The following GEN1 variants were observed in gnomAD, a reference collection of about 807,000 sequenced individuals.
The protein encoded by GEN1 is flap endonuclease GEN homolog 1.
In GEN1, 64 loss-of-function variants were observed where a neutral mutation model predicts 67.6. That is an observed-to-expected ratio of 0.95 (90% CI 0.77 to 1.17). The LOEUF (loss-of-function observed/expected upper bound fraction) is 1.17, where lower values mean the gene tolerates loss of function less well. Ranked by LOEUF, GEN1 falls within the 50% of genes most tolerant of loss-of-function variation. GEN1 has a pLI of 0.00. For synonymous variants in GEN1, 371 were observed against 359.4 expected, an observed-to-expected ratio of 1.03 and a Z score of -0.37; for missense variants, 1,058 against 1,048.3, an observed-to-expected ratio of 1.01 and a Z score of -0.13.
chr2:17,780,701 T>A lies in GEN1; in HGVS notation c.1489T>A (p.Cys497Ser). Reference protein sequence around the residue: ...FQSHMTLKPTCEIFHKQNSKL... With the variant: ...FQSHMTLKPTSEIFHKQNSKL... The stretch of plus-strand genomic sequence containing the variant: ...GTCACACATGACTTTAAAACCCACA[T>A]GTGAAATCTTTCATAAGCAGAATTC... Residue 497 changes from cysteine (C) to serine (S), a missense_variant, in exon 14 of 14, where the codon TGT becomes AGT. Physicochemically the swap from Cys to Ser is moderately radical, Grantham distance 112. Coordinates refer to ENST00000381254, the MANE Select transcript of GEN1 (RefSeq NM_001130009.3). The A allele has an allele frequency of 1.9e-6, 3 of 1,613,936 alleles. No homozygotes were observed. Among genetic ancestry groups the A allele is most frequent in the Non-Finnish European group, 2.5e-6 (3 of 1,179,860 alleles).
In GEN1 at chr2:17,785,596, A is replaced by G. The variant is rs1329070337; in HGVS notation, c.*3657A>G. The G allele has an allele frequency of 6.6e-6, 1 of 150,828 alleles. No homozygotes were observed. Among genetic ancestry groups the G allele is most frequent in the Non-Finnish European group, 1.5e-5 (1 of 67,794 alleles). 9.3% of individuals were successfully genotyped at this position (150,828 alleles called of 1,614,324 possible). A position where few individuals can be genotyped will look rare whatever the true frequency, so the allele number is the denominator to read the frequency against. ...CGGTTTTTCTTTTAGATTTTTTTCC[A>G]TATAAAATCTCTATCTGGCCACACA... is the stretch of plus-strand genomic sequence containing the variant. On this transcript the variant is annotated 3_prime_UTR_variant, in exon 14 of 14. Coordinates refer to ENST00000381254, the MANE Select transcript of GEN1 (RefSeq NM_001130009.3).
In GEN1 at chr2:17,784,890, A is replaced by G. The variant is rs300171; in HGVS notation, c.*2951A>G. 98,967 of 151,952 alleles carry G rather than the reference A, an allele frequency of 0.65. 32,895 individuals carry two copies. Among genetic ancestry groups the G allele is most frequent in the East Asian group, 0.99 (5,090 of 5,166 alleles). The allele number at this position is 151,952 out of a possible 1,614,324, so 9.4% of individuals were successfully genotyped here. On this transcript the variant is annotated 3_prime_UTR_variant, in exon 14 of 14. Transcript: ENST00000381254. Reference sequence around the variant, plus strand: ...AGTTCATTTTGCTATATAGCTCAGGAGTCCCCAACCCCTGGGCTATGGACA... The same window carrying G: ...AGTTCATTTTGCTATATAGCTCAGGGGTCCCCAACCCCTGGGCTATGGACA...
chr2:17,778,641 A>T (rs1672673822), intron 12 of GEN1, among the ~76,000 whole-genome samples: 1 of 152,082 alleles, frequency 6.6e-6, no homozygotes, highest in Admixed American at 6.6e-5. Context: ...ATGTTTAAGG[A>T]AGTAATACCG....
chr2:17,769,267 A>G (rs184945017), intron 6 of GEN1, among the ~76,000 whole-genome samples: 16 of 151,660 alleles, frequency 1.1e-4, no homozygotes, highest in African/African-American at 3.9e-4. Context: ...TTGTAGAGAT[A>G]GGGTCTCCCT....
At chr2:17,768,952 ATTTATT>A in intron 6 of GEN1, 141 bp downstream of exon 6, 1 of 480,176 alleles carries the variant, frequency 2.1e-6, no homozygotes, top group Admixed American at 4.0e-5. Flanking sequence ...ATTTAAGATA[ATTTATT>A]TTTATTTATT....
Position 17,788,212 on chromosome 2 carries a change from C to T in GEN1, c.*6273C>T, listed in dbSNP as rs901408185. 6.6e-6 allele frequency: 1 copy of T among 152,218 alleles called. No individual in the cohort carries two copies. The highest frequency in any genetic ancestry group is 2.4e-5 in the African/African-American group (1 of 41,458). The allele number at this position is 152,218 out of a possible 1,614,324, so 9.4% of individuals were successfully genotyped here. A position where few individuals can be genotyped will look rare whatever the true frequency, so the allele number is the denominator to read the frequency against. Reference sequence around the variant, plus strand: ...CAGCCTCCTTTCATCTATATATTAACGTGGCAATGTTTATCACCTTCTTAA... The same window carrying T: ...CAGCCTCCTTTCATCTATATATTAATGTGGCAATGTTTATCACCTTCTTAA... On this transcript the variant is annotated 3_prime_UTR_variant, in exon 14 of 14. Transcript: ENST00000381254.
At chr2:17,768,906 G>C (rs1214456201) in intron 6 of GEN1, 95 bp downstream of exon 6, 18 of 662,234 alleles carry the variant, frequency 2.7e-5, no homozygotes, top group Middle Eastern at 3.7e-4. Flanking sequence ...TCCAAAAAAG[G>C]GTTTTGTATT....
chr2:17,780,747 C>T lies in GEN1; in HGVS notation c.1535C>T (p.Ser512Phe), dbSNP rs192489738. The change falls in exon 14 of 14, where the codon TCC (serine) becomes TTC (phenylalanine). Residue 512 changes from serine (S) to phenylalanine (F), a missense_variant. Coordinates refer to ENST00000381254, the MANE Select transcript of GEN1 (RefSeq NM_001130009.3). The part of the protein sequence containing the change: ...KQNSKLNSGI[S>F]PDPTLPQESI... ...AATTCCAAGTTAAATTCGGGGATTT[C>T]CCCTGATCCTACATTACCACAGGAA... is the stretch of plus-strand genomic sequence containing the variant. The T allele has an allele frequency of 4.3e-6, 7 of 1,613,958 alleles. No individual in the cohort carries two copies. In the East Asian group the frequency reaches 1.6e-4, roughly 36 times the overall value.
At position 17,778,225 on chromosome 2, in the gene GEN1, CACAT is replaced by C. The variant is rs1428306453; in HGVS notation, c.1264+164_1264+167del. Among the ~76,000 whole-genome samples the C allele has an allele frequency of 8.3e-5, 12 of 145,036 alleles. 1 individual carries two copies. Among genetic ancestry groups the C allele is most frequent in the African/African-American group, 1.1e-4 (4 of 37,800 alleles). On this transcript the variant is annotated intron_variant, in intron 12 of 13. Transcript: ENST00000381254. ...ATATGTGTATATATATGTATACACA[CACAT>C]ATATGTGTGTACATATATGTATACA...
intron 1 of GEN1, among the ~76,000 whole-genome samples, chr2:17,759,455 C>A (rs1489439593): frequency 1.3e-5 from 2 of 152,144 alleles, no homozygotes; most frequent in African/African-American, 4.8e-5. Context: ...AAAAAGCCAA[C>A]GCCCTTTTAA....
chr2:17,780,847 G>A lies in GEN1; in HGVS notation c.1635G>A (p.Met545Ile). The change falls in exon 14 of 14, where the codon ATG becomes ATA. Residue 545 changes from methionine (M) to isoleucine (I), a missense_variant. Physicochemically the swap from Met to Ile is conservative, Grantham distance 10. Transcript: ENST00000381254. ...TPCLNAQEQF[M>I]SSLRPLAIQQ... ...GTTTGAATGCACAAGAACAGTTCAT[G>A]TCTTCTCTAAGACCTTTGGCTATAC... is the stretch of plus-strand genomic sequence containing the variant. 4.3e-6 allele frequency: 7 copies of A among 1,613,950 alleles called. No individual in the cohort carries two copies. Among genetic ancestry groups the A allele is most frequent in the Non-Finnish European group, 5.9e-6 (7 of 1,179,894 alleles).
intron 11 of GEN1, 138 bp from the exon 12 acceptor site, chr2:17,777,864 A>G (rs892908668): frequency 1.9e-5 from 10 of 516,090 alleles, no homozygotes; most frequent in Non-Finnish European, 3.3e-5. Context: ...TGAATAAACT[A>G]GTCAAAGGAA....
Position 17,781,224 on chromosome 2 carries a change from A to AT in GEN1, c.2015dup (p.Leu672PhefsTer17), listed in dbSNP as rs769189415. 7.4e-6 allele frequency: 12 copies of AT among 1,613,644 alleles called. No homozygotes were observed. The highest frequency in any genetic ancestry group is 1.0e-5 in the Non-Finnish European group (12 of 1,179,600). On this transcript the variant is annotated frameshift_variant, in exon 14 of 14. Coordinates refer to ENST00000381254, the MANE Select transcript of GEN1 (RefSeq NM_001130009.3). LOFTEE classifies it low-confidence loss of function (END_TRUNC). Reference sequence around the variant, plus strand: ...GGCATTACTGATTTATGTCTTCAGGATTTGCCTTTAAAGGAACGAATATTT... The same window carrying AT: ...GGCATTACTGATTTATGTCTTCAGGATTTTGCCTTTAAAGGAACGAATATTT...
At position 17,781,495 on chromosome 2, in the gene GEN1, AGTG is replaced by A. The variant is rs774594477; in HGVS notation, c.2286_2288del (p.Val763del). On this transcript the variant is annotated inframe_deletion, in exon 14 of 14. Transcript: ENST00000381254. Reference sequence around the variant, plus strand: ...CTGTCCCTTATTCTGTCAGTAACACAGTGGTAAAGACCTGCAATGTTAGACCAC... The same window carrying A: ...CTGTCCCTTATTCTGTCAGTAACACAGTAAAGACCTGCAATGTTAGACCAC... The A allele has an allele frequency of 6.2e-7, 1 of 1,613,674 alleles. No individual in the cohort carries two copies. The highest frequency in any genetic ancestry group is 1.3e-5 in the African/African-American group (1 of 75,062).
chr2:17,767,143 CCT>C (rs1371907963), intron 5 of GEN1, among the ~76,000 whole-genome samples: 4 of 152,150 alleles, frequency 2.6e-5, no homozygotes, highest in East Asian at 1.9e-4. Flanking sequence ...TATTTCCATG[CCT>C]CTCAGCGTTG....
intron 12 of GEN1, among the ~76,000 whole-genome samples, chr2:17,779,209 C>T (rs1672705448): frequency 6.6e-6 from 1 of 152,212 alleles, no homozygotes; most frequent in Non-Finnish European, 1.5e-5. Flanking sequence ...AGGCGTGAGC[C>T]ACTGCGCCCA....
chr2:17,757,186 T>C (rs1268651176), intron 1 of GEN1, among the ~76,000 whole-genome samples: 1 of 151,444 alleles, frequency 6.6e-6, no homozygotes, highest in Non-Finnish European at 1.5e-5. Context: ...ATATTATTTA[T>C]GGGGTTAAAA....
At chr2:17,775,155 A>G (rs1672370218) in intron 11 of GEN1, among the ~76,000 whole-genome samples, 1 of 152,196 alleles carries the variant, frequency 6.6e-6, no homozygotes, top group South Asian at 2.1e-4. Context: ...GAATGCTAGA[A>G]TCCTCAAAAA....
At position 17,784,176 on chromosome 2, in the gene GEN1, C is replaced by G. The variant is rs1407528485; in HGVS notation, c.*2237C>G. ...GACAACTTTGAAATGGGCAAAATAG[C>G]TCAACAGGCTTTTCTGCAAAGAAGA... On this transcript the variant is annotated 3_prime_UTR_variant, in exon 14 of 14. Coordinates refer to ENST00000381254, the MANE Select transcript of GEN1 (RefSeq NM_001130009.3). The G allele has an allele frequency of 6.6e-6, 1 of 152,008 alleles. No individual in the cohort carries two copies. Among genetic ancestry groups the G allele is most frequent in the Non-Finnish European group, 1.5e-5 (1 of 68,006 alleles). 9.4% of individuals were successfully genotyped at this position (152,008 alleles called of 1,614,324 possible). A position where few individuals can be genotyped will look rare whatever the true frequency, so the allele number is the denominator to read the frequency against.
Sources: allele counts gnomAD v4.1 joint callset (sites outside exome capture counted in the v4.1 genomes callset), GRCh38; gene constraint gnomAD v4.1.1; transcripts MANE v1.5; gene names NCBI Gene and HGNC (gene_info 2026-07-23, HGNC 2026-07-21).